ZNF142: variants seen among roughly 807,000 people sequenced by gnomAD.
The protein encoded by ZNF142 is zinc finger protein 142 (clone pHZ-49).
In ZNF142, 96 loss-of-function variants were observed where a neutral mutation model predicts 132.1. The observed-to-expected ratio is 0.73, with a 90% CI of 0.62 to 0.86. The LOEUF (loss-of-function observed/expected upper bound fraction) is 0.86. Among genes scored for constraint, ZNF142 ranks in the 40% least tolerant of loss-of-function variants. ZNF142 has a pLI of 0.00. For synonymous variants in ZNF142, 842 were observed against 890.1 expected (o/e 0.95, Z 0.96); for missense variants, 2,163 against 2,336.2 (o/e 0.93, Z 1.53).
rs781319500 is a variant in ZNF142 at position 218,648,677 on chromosome 2, C to A, written c.1831G>T (p.Ala611Ser). 6.2e-7 allele frequency: 1 copy of A among 1,614,110 alleles called. No individual in the cohort carries two copies. Among genetic ancestry groups the A allele is most frequent in the African/African-American group, 1.3e-5 (1 of 74,938 alleles). ...HQCPECNFAT[A>S]HKRVLIRHML... ...TGTCGGATGAGCACCCTCTTGTGGGCAGTGGCAAAGTTGCACTCAGGACAC... is the reference window on the plus strand; with the variant it reads ...TGTCGGATGAGCACCCTCTTGTGGGAAGTGGCAAAGTTGCACTCAGGACAC... The change falls in exon 7 of 11, where the codon GCC becomes TCC. Residue 611 changes from alanine (A) to serine (S), a missense_variant. By Grantham distance (99) the Ala-to-Ser change is moderately conservative. This residue lies in a region of ZNF142 where 749 missense variants were observed against 830.3 expected (regional missense o/e 0.90). Coordinates refer to ENST00000411696, the MANE Select transcript of ZNF142 (RefSeq NM_001379659.1).
chr2:218,655,210 G>A lies in ZNF142; in HGVS notation c.280+940C>T, dbSNP rs538540713. On this transcript the variant is annotated intron_variant, in intron 4 of 10. Transcript: ENST00000411696. Reference sequence around the variant, plus strand: ...ATATTAACTCTTTCTTACATATTGCGAATGTTTTTCCTAGGCTTTTTATTT... The same window carrying A: ...ATATTAACTCTTTCTTACATATTGCAAATGTTTTTCCTAGGCTTTTTATTT... 1.3e-3 allele frequency among the ~76,000 whole-genome samples: 193 copies of A among 152,224 alleles called. 1 individual carries two copies. Among genetic ancestry groups the A allele is most frequent in the African/African-American group, 4.4e-3 (182 of 41,530 alleles).
At chr2:218,656,817 C>CTT (rs34530017) in intron 3 of ZNF142, among the ~76,000 whole-genome samples, 4 of 119,444 alleles carry the variant, frequency 3.3e-5, no homozygotes, top group Non-Finnish European at 3.4e-5. Context: ...CTCAGAAGTC[C>CTT]TTTTTTTTTT....
In ZNF142 at chr2:218,650,473, A is replaced by C. The variant is rs1461799327; in HGVS notation, c.934T>G (p.Leu312Val). 2.5e-6 allele frequency: 4 copies of C among 1,612,376 alleles called. No homozygotes were observed. Among genetic ancestry groups the C allele is most frequent in the Non-Finnish European group, 3.4e-6 (4 of 1,179,284 alleles). ...REPSQEAGTPLPGQETAEEEN... is the reference protein window; with the variant it reads ...REPSQEAGTPVPGQETAEEEN... Reference sequence around the variant, plus strand: ...TCTTCAGCTGTCTCCTGCCCAGGCAAGGGTGTACCTGCTTCCTGTGAAGGT... The same window carrying C: ...TCTTCAGCTGTCTCCTGCCCAGGCACGGGTGTACCTGCTTCCTGTGAAGGT... The change falls in exon 6 of 11, where the codon TTG becomes GTG. Residue 312 changes from leucine (L) to valine (V), a missense_variant. Physicochemically the swap from Leu to Val is conservative, Grantham distance 32. This residue lies in a region of ZNF142 where 749 missense variants were observed against 830.3 expected (regional missense o/e 0.90). Transcript: ENST00000411696.
At chr2:218,647,200 G>GA (rs1697809839) in intron 7 of ZNF142, among the ~76,000 whole-genome samples, 1 of 151,790 alleles carries the variant, frequency 6.6e-6, no homozygotes, top group African/African-American at 2.4e-5. Flanking sequence ...GAGGCAGGTG[G>GA]ATCATGAGGT....
In ZNF142 at chr2:218,649,447, G is replaced by C. The variant is rs1183917114; in HGVS notation, c.1061C>G (p.Ser354Cys). 2 of 1,596,328 alleles carry C rather than the reference G, an allele frequency of 1.3e-6. No homozygotes were observed. The highest frequency in any genetic ancestry group is 2.7e-5 in the African/African-American group (2 of 74,404). The change falls in exon 7 of 11, where the codon TCT becomes TGT. Residue 354 changes from serine to cysteine, a missense_variant. Ser to Cys is a moderately radical substitution (Grantham distance 112, BLOSUM62 -1). Around this residue, in one of 7 missense-constraint regions of ZNF142, gnomAD observed 749 missense variants for 830.3 expected, o/e 0.90. Coordinates refer to ENST00000411696, the MANE Select transcript of ZNF142 (RefSeq NM_001379659.1). ...GAQRLEGDVV[S>C]GTESLFKTHM... ...GGTCTTGAAGAGGGACTCGGTGCCAGAGACCACATCCCCTGGGAAAGGGAA... is the reference window on the plus strand; with the variant it reads ...GGTCTTGAAGAGGGACTCGGTGCCACAGACCACATCCCCTGGGAAAGGGAA...
chr2:218,655,921 C>T (rs761902149), intron 4 of ZNF142, among the ~76,000 whole-genome samples: 19 of 152,292 alleles, frequency 1.2e-4, no homozygotes, highest in Admixed American at 5.9e-4. Context: ...CTGCCTAGCA[C>T]ACATGAAGCC....
Position 218,634,368 on chromosome 2 carries a change from C to T in ZNF142, c.*3971G>A. 6.4e-7 allele frequency: 1 copy of T among 1,552,046 alleles called. No individual in the cohort carries two copies. The highest frequency in any genetic ancestry group is 8.8e-7 in the Non-Finnish European group (1 of 1,139,820). ...GTGGATATTACCAGCAGGTACCGTG[C>T]ACCCAGTACCTATCTTCTTAACTCC... is the stretch of plus-strand genomic sequence containing the variant. On this transcript the variant is annotated 3_prime_UTR_variant, in exon 11 of 11. Coordinates refer to ENST00000411696, the MANE Select transcript of ZNF142 (RefSeq NM_001379659.1). This position sits in a 1 kb window ranked among gnomAD's most constrained non-coding sequence, Gnocchi z 4.0.
In ZNF142 at chr2:218,643,912, G is replaced by A; in HGVS notation, c.3204C>T (p.Cys1068=). Residue 1068 remains cysteine, a synonymous_variant, in exon 9 of 11, where the codon TGC becomes TGT. Transcript: ENST00000411696. ...GCTTGAAGCTAGCCCCACACTCGGG[G>A]CACAGCAGGGGCTCTCGGCGGCCTT... ...GCQGRREPLL[C]PECGASFKQQ... is the part of the protein sequence containing the mutation. The A allele has an allele frequency of 6.2e-7, 1 of 1,614,168 alleles. No homozygotes were observed. Among genetic ancestry groups the A allele is most frequent in the Non-Finnish European group, 8.5e-7 (1 of 1,180,026 alleles).
At chr2:218,648,538 T>C in intron 7 of ZNF142, 97 bp downstream of exon 7, 1 of 1,207,956 alleles carries the variant, frequency 8.3e-7, no homozygotes, top group Non-Finnish European at 1.2e-6. Flanking sequence ...TCTCTAGGAA[T>C]TTTGGGTCAA....
chr2:218,642,043 A>C lies in ZNF142; in HGVS notation c.5073T>G (p.Asp1691Glu), dbSNP rs200393155. The stretch of plus-strand genomic sequence containing the variant: ...CTGACATTACCTTGAGACGAGAGGG[A>C]TCAGCACAGGCATAGGGGCAGAGGT... ...HCHLCPYACA[D>E]PSRLKYHMRI... The change falls in exon 9 of 11, where the codon GAT becomes GAG. Residue 1691 changes from aspartate (D) to glutamate (E), a missense_variant. Physicochemically the swap from Asp to Glu is conservative, Grantham distance 45. Transcript: ENST00000411696. The surrounding 1 kb of genome is among the most constrained non-coding windows in gnomAD (Gnocchi z 4.6). The C allele has an allele frequency of 6.2e-7, 1 of 1,613,932 alleles. No homozygotes were observed. The highest frequency in any genetic ancestry group is 8.5e-7 in the Non-Finnish European group (1 of 1,179,854).
In ZNF142 at chr2:218,634,296, G is replaced by T; in HGVS notation, c.*4043C>A. 1 of 1,573,418 alleles carries T rather than the reference G, an allele frequency of 6.4e-7. No homozygotes were observed. Among genetic ancestry groups the T allele is most frequent in the East Asian group, 2.3e-5 (1 of 42,848 alleles). On this transcript the variant is annotated 3_prime_UTR_variant, in exon 11 of 11. Coordinates refer to ENST00000411696, the MANE Select transcript of ZNF142 (RefSeq NM_001379659.1). The surrounding 1 kb of genome is among the most constrained non-coding windows in gnomAD (Gnocchi z 4.0). ...GGAAATAAGTTCTCTAGTGATGGTA[G>T]GGTTGGGGAATGCTCAAGAAAATTG...
Position 218,636,182 on chromosome 2 carries a change from A to T in ZNF142, c.*2157T>A. 1 of 1,559,218 alleles carries T rather than the reference A, an allele frequency of 6.4e-7. No homozygotes were observed. Among genetic ancestry groups the T allele is most frequent in the Non-Finnish European group, 8.8e-7 (1 of 1,133,300 alleles). ...CTAGATTAAATGAGAACACAAGAAA[A>T]GCAACCCAGTCAAGAAAACTGTCAT... On this transcript the variant is annotated 3_prime_UTR_variant, in exon 11 of 11. Coordinates refer to ENST00000411696, the MANE Select transcript of ZNF142 (RefSeq NM_001379659.1).
intron 6 of ZNF142, 100 bp from the exon 7 acceptor site, chr2:218,649,559 C>T (rs2106246735): frequency 8.7e-7 from 1 of 1,154,522 alleles, no homozygotes; most frequent in Non-Finnish European, 1.2e-6. Context: ...CGATGTGTGG[C>T]CTCTCTGCAG....
In ZNF142 at chr2:218,642,112, G is replaced by A; in HGVS notation, c.5004C>T (p.Thr1668=). 1 of 1,614,202 alleles carries A rather than the reference G, an allele frequency of 6.2e-7. No homozygotes were observed. Among genetic ancestry groups the A allele is most frequent in the Non-Finnish European group, 8.5e-7 (1 of 1,180,044 alleles). ...AYSTKNRQKI[T]WHSRIHTGEK... is the part of the protein sequence containing the mutation. Reference sequence around the variant, plus strand: ...CCCCAGTGTGGATGCGGCTGTGCCAGGTGATCTTCTGTCGGTTCTTGGTGC... The same window carrying A: ...CCCCAGTGTGGATGCGGCTGTGCCAAGTGATCTTCTGTCGGTTCTTGGTGC... The change falls in exon 9 of 11, where the codon ACC becomes ACT. Residue 1668 remains threonine, a synonymous_variant. Coordinates refer to ENST00000411696, the MANE Select transcript of ZNF142 (RefSeq NM_001379659.1). The surrounding 1 kb of genome is among the most constrained non-coding windows in gnomAD (Gnocchi z 4.6).
In ZNF142 at chr2:218,650,512, G is replaced by C. The variant is rs763504616; in HGVS notation, c.895C>G (p.Pro299Ala). The change falls in exon 6 of 11, where the codon CCA (proline) becomes GCA (alanine). Residue 299 changes from proline (P) to alanine (A), a missense_variant. Physicochemically the swap from Pro to Ala is conservative, Grantham distance 27. Coordinates refer to ENST00000411696, the MANE Select transcript of ZNF142 (RefSeq NM_001379659.1). ...QELLPAPKLP[P>A]GEREPSQEAG... ...TCCTGTGAAGGTTCTCTCTCTCCTG[G>C]AGGCAGTTTGGGAGCTGGAGATACA... 15 of 1,589,090 alleles carry C rather than the reference G, an allele frequency of 9.4e-6. No individual in the cohort carries two copies. Among genetic ancestry groups the C allele is most frequent in the Non-Finnish European group, 1.3e-5 (15 of 1,168,382 alleles).
chr2:218,651,650 C>G (rs1938002986), intron 5 of ZNF142, 51 bp downstream of exon 5: 1 of 1,221,892 alleles, frequency 8.2e-7, no homozygotes, highest in African/African-American at 1.6e-5. Flanking sequence ...CCTATAAGAT[C>G]AACTGTGGCT....
chr2:218,636,095 C>T lies in ZNF142; in HGVS notation c.*2244G>A. 6.6e-6 allele frequency: 9 copies of T among 1,370,718 alleles called. No homozygotes were observed. The highest frequency in any genetic ancestry group is 9.1e-6 in the Non-Finnish European group (9 of 989,266). The allele number at this position is 1,370,718 out of a possible 1,614,324, so 84.9% of individuals were successfully genotyped here. A position where few individuals can be genotyped will look rare whatever the true frequency, so the allele number is the denominator to read the frequency against. On this transcript the variant is annotated 3_prime_UTR_variant, in exon 11 of 11. Coordinates refer to ENST00000411696, the MANE Select transcript of ZNF142 (RefSeq NM_001379659.1). ...GCTCTTCACTTAAAAGCTCCAGTGA[C>T]CTGGGCAAATTACTTGCTTACTCTG...
In ZNF142 at chr2:218,642,817, G is replaced by A. The variant is rs186956128; in HGVS notation, c.4299C>T (p.Cys1433=). The change falls in exon 9 of 11, where the codon TGC becomes TGT. Residue 1433 remains cysteine (C), a synonymous_variant. Coordinates refer to ENST00000411696, the MANE Select transcript of ZNF142 (RefSeq NM_001379659.1). The surrounding 1 kb of genome is among the most constrained non-coding windows in gnomAD (Gnocchi z 4.6). The part of the protein sequence containing the change: ...TGIGRIPCSS[C]PQTFGTNSKL... ...TCGAGTTGGTACCAAACGTCTGGGG[G>A]CAAGAGCTGCAGGGGATGCGGCCAA... 6.2e-7 allele frequency: 1 copy of A among 1,614,206 alleles called. No homozygotes were observed. Among genetic ancestry groups the A allele is most frequent in the African/African-American group, 1.3e-5 (1 of 75,062 alleles).
At position 218,643,109 on chromosome 2, in the gene ZNF142, T is replaced by C. The variant is rs370521702; in HGVS notation, c.4007A>G (p.His1336Arg). 2 of 1,612,258 alleles carry C rather than the reference T, an allele frequency of 1.2e-6. No individual in the cohort carries two copies. Among genetic ancestry groups the C allele is most frequent in the African/African-American group, 1.3e-5 (1 of 74,914 alleles). ...AGCAGTGAATGGGCAGAGGCTGCAGTGCAGCTCTCCAGACTCCTCGAGGGG... is the reference window on the plus strand; with the variant it reads ...AGCAGTGAATGGGCAGAGGCTGCAGCGCAGCTCTCCAGACTCCTCGAGGGG... ...GCPLEESGEL[H>R]CSLCPFTAPA... Residue 1336 changes from histidine (H) to arginine (R), a missense_variant, in exon 9 of 11, where the codon CAC becomes CGC. By Grantham distance (29) the His-to-Arg change is conservative. This residue lies in a region of ZNF142 where 809 missense variants were observed against 801.7 expected (regional missense o/e 1.01). Coordinates refer to ENST00000411696, the MANE Select transcript of ZNF142 (RefSeq NM_001379659.1).
Sources: gnomAD v4.1 joint callset for allele counts (sites outside exome capture counted in the v4.1 genomes callset) on GRCh38, gnomAD v4.1.1 for gene constraint, gnomAD v4.1.1 regional missense constraint, Gnocchi (gnomAD v3.1) non-coding constraint, MANE v1.5 for transcripts, NCBI Gene and HGNC (gene_info 2026-07-23, HGNC 2026-07-21) for gene names.